The following SLC36A1 variants were observed in gnomAD, a reference collection of about 807,000 sequenced individuals.
SLC36A1 encodes proton-coupled amino acid transporter 1.
A neutral mutation model predicts 47.5 loss-of-function variants in SLC36A1; 30 were observed. That is an observed-to-expected ratio of 0.63 (90% CI 0.47 to 0.86). SLC36A1 has a LOEUF of 0.86. SLC36A1 is among the 40% of genes least tolerant of loss of function. The pLI is 0.00. For synonymous variants in SLC36A1, 255 were observed against 249.7 expected, an observed-to-expected ratio of 1.02 and a Z score of -0.20; for missense variants, 517 against 606.0, an observed-to-expected ratio of 0.85 and a Z score of 1.54.
chr5:151,393,627 G>T, the SLC36A1 span, among the ~76,000 whole-genome samples: 3 of 152,092 alleles, frequency 2.0e-5, no homozygotes, highest in Admixed American at 2.0e-4. Context: ...GCATTTGCTT[G>T]TCTGTAAAGG....
chr5:151,514,080 T>C, the SLC36A1 span, among the ~76,000 whole-genome samples: 1 of 152,242 alleles, frequency 6.6e-6, no homozygotes, highest in Admixed American at 6.5e-5. Flanking sequence ...TTTGAAGATC[T>C]AACCCAGTGT....
At chr5:151,465,282 G>A (rs1234435742) in intron 5 of SLC36A1, 113 bp downstream of exon 5, 1 of 844,610 alleles carries the variant, frequency 1.2e-6, no homozygotes, top group South Asian at 1.4e-5. Context: ...GTTTGGGTCA[G>A]TTGCCTTGGG....
chr5:151,526,767 C>G, the SLC36A1 span, among the ~76,000 whole-genome samples: 1 of 152,160 alleles, frequency 6.6e-6, no homozygotes, highest in Non-Finnish European at 1.5e-5. Context: ...GGACCCAGAA[C>G]TCTGCCTTTT....
At chr5:151,551,741 G>T in the SLC36A1 span, 1 of 796,336 alleles carries the variant, frequency 1.3e-6, no homozygotes, top group Non-Finnish European at 1.9e-6. Context: ...ACAGGTTGTA[G>T]TTTATTCTCC....
the SLC36A1 span, among the ~76,000 whole-genome samples, chr5:151,388,627 T>C: frequency 6.6e-6 from 1 of 152,102 alleles, no homozygotes; most frequent in African/African-American, 2.4e-5. Context: ...GGTTGTGTCA[T>C]GGGCCACCGT....
the SLC36A1 span, among the ~76,000 whole-genome samples, chr5:151,375,229 T>G: frequency 1.8e-4 from 27 of 152,172 alleles, no homozygotes; most frequent in African/African-American, 6.5e-4. Flanking sequence ...TTGAGTTGAT[T>G]TTTGTATATG....
rs1223090150 is a variant in SLC36A1, at chr5:151,465,084, T to C, written c.334T>C (p.Ser112Pro). 7 of 1,613,842 alleles carry C rather than the reference T, an allele frequency of 4.3e-6. No homozygotes were observed. The highest frequency in any genetic ancestry group is 5.1e-6 in the Non-Finnish European group (6 of 1,179,746). Reference sequence around the variant, plus strand: ...CTCCTACTCTTCCAGGCTGAATAAATCCTTTGTGGATTATGGTGATACTGT... The same window carrying C: ...CTCCTACTCTTCCAGGCTGAATAAACCCTTTGTGGATTATGGTGATACTGT... ...AHHFCRRLNKSFVDYGDTVMY... is the reference protein window; with the variant it reads ...AHHFCRRLNKPFVDYGDTVMY... The change falls in exon 5 of 11, where the codon TCC (serine) becomes CCC (proline). Residue 112 changes from serine to proline, a missense_variant. By Grantham distance (74) the Ser-to-Pro change is moderately conservative. Coordinates refer to ENST00000243389, the MANE Select transcript of SLC36A1 (RefSeq NM_078483.4).
chr5:151,471,699 A>G (rs1325906760), intron 7 of SLC36A1, among the ~76,000 whole-genome samples: 1 of 152,182 alleles, frequency 6.6e-6, no homozygotes, highest in Non-Finnish European at 1.5e-5. Context: ...AGGGAAACAC[A>G]TTTATTTAAT....
chr5:151,468,299 T>TATAAA (rs1756853867), intron 7 of SLC36A1, among the ~76,000 whole-genome samples: 4 of 72,522 alleles, frequency 5.5e-5, no homozygotes, highest in African/African-American at 1.9e-4. Context: ...ATATATTTTA[T>TATAAA]ATATATATAT....
intron 2 of SLC36A1, among the ~76,000 whole-genome samples, chr5:151,461,250 A>G (rs1260152440): frequency 6.7e-6 from 1 of 148,992 alleles, no homozygotes; most frequent in Non-Finnish European, 1.5e-5. Context: ...TCGGCCTCCC[A>G]AAGTGCTTGG....
chr5:151,471,266 A>G (rs554863122), intron 7 of SLC36A1, among the ~76,000 whole-genome samples: 4 of 152,234 alleles, frequency 2.6e-5, no homozygotes, highest in Non-Finnish European at 5.9e-5. Flanking sequence ...ACAAGGGAGG[A>G]CTTACTGTGT....
intron 10 of SLC36A1, chr5:151,479,780 C>T: frequency 1.9e-6 from 1 of 521,944 alleles, no homozygotes; most frequent in Non-Finnish European, 3.3e-6. Flanking sequence ...GATTACTATC[C>T]CATATTAAAT....
chr5:151,554,277 G>T, the SLC36A1 span: 1 of 1,257,614 alleles, frequency 8.0e-7, no homozygotes, highest in Non-Finnish European at 1.1e-6. Flanking sequence ...ATGCTGGTGG[G>T]CTGTCTCCCT....
chr5:151,538,036 G>T, the SLC36A1 span: 1 of 1,188,082 alleles, frequency 8.4e-7, no homozygotes, highest in Non-Finnish European at 1.2e-6. Context: ...GGAGGCAGAA[G>T]CAGAAAGAGA....
the SLC36A1 span, chr5:151,542,381 C>T: frequency 6.2e-7 from 1 of 1,614,200 alleles, no homozygotes. Context: ...CTGTTCTCAA[C>T]CACAGATCCT....
chr5:151,458,332 A>ATACATACAC (rs1561738077), intron 1 of SLC36A1, among the ~76,000 whole-genome samples: 260 of 108,320 alleles, frequency 2.4e-3, no homozygotes, highest in African/African-American at 8.0e-3. Context: ...ATATATATAT[A>ATACATACAC]TGGGATATTT....
chr5:151,380,060 C>T, the SLC36A1 span, among the ~76,000 whole-genome samples: 1 of 152,054 alleles, frequency 6.6e-6, no homozygotes, highest in Admixed American at 6.6e-5. Flanking sequence ...AAAAACGATA[C>T]AGGAAAATTA....
intron 10 of SLC36A1, among the ~76,000 whole-genome samples, chr5:151,480,922 G>A (rs1427305007): frequency 2.0e-5 from 3 of 152,272 alleles, no homozygotes. Context: ...GTCTCTGTAG[G>A]TAAAATGTGC....
the SLC36A1 span, chr5:151,529,162 G>C: frequency 6.2e-7 from 1 of 1,611,190 alleles, no homozygotes; most frequent in Non-Finnish European, 8.5e-7. Flanking sequence ...CAAAGAGCAA[G>C]GTGGCAGATC....
Sources: gnomAD v4.1 joint callset for allele counts (sites outside exome capture counted in the v4.1 genomes callset) on GRCh38, gnomAD v4.1.1 for gene constraint, MANE v1.5 for transcripts, NCBI Gene and HGNC (gene_info 2026-07-23, HGNC 2026-07-21) for gene names.